EDIL3: variants seen among roughly 807,000 people sequenced by gnomAD.
EDIL3 encodes EGF like and discoidin domains 3, also known as EGF-like repeat and discoidin I-like domain-containing protein 3.
EDIL3 carries 37 observed loss-of-function variants against 67.4 expected under a neutral mutation model. The observed-to-expected ratio is 0.55, with a 90% CI of 0.42 to 0.72. The LOEUF is 0.72. EDIL3 is among the 30% of genes least tolerant of loss of function. The pLI is 0.00. For synonymous variants in EDIL3, 195 were observed against 196.3 expected (o/e 0.99, Z 0.05); for missense variants, 527 against 586.3 (o/e 0.90, Z 1.04).
intron 3 of EDIL3, among the ~76,000 whole-genome samples, chr5:84,205,080 AT>A (rs60872462): frequency 0.53 from 74,246 of 140,668 alleles, 19,188 homozygotes; most frequent in East Asian, 0.7. Flanking sequence ...GCCCTGGAAG[AT>A]TTTTTTTTTT....
At chr5:84,240,885 G>A (rs1351819653) in intron 2 of EDIL3, among the ~76,000 whole-genome samples, 3 of 151,652 alleles carry the variant, frequency 2.0e-5, no homozygotes, top group African/African-American at 7.3e-5. Context: ...TATAAACTGA[G>A]CAACCACTAA....
At chr5:84,175,469 G>C (rs538853371) in intron 4 of EDIL3, among the ~76,000 whole-genome samples, 20 of 152,310 alleles carry the variant, frequency 1.3e-4, no homozygotes, top group African/African-American at 4.8e-4. Flanking sequence ...AGTTTGTAAA[G>C]TATGTCCTGA....
intron 9 of EDIL3, among the ~76,000 whole-genome samples, chr5:83,983,645 A>G (rs575662246): frequency 6.2e-4 from 95 of 152,212 alleles, no homozygotes; most frequent in Non-Finnish European, 9.9e-4. Context: ...ATGCCTTTTC[A>G]GTAATGCACA....
At chr5:84,208,363 A>G (rs1185609292) in intron 3 of EDIL3, among the ~76,000 whole-genome samples, 1 of 152,164 alleles carries the variant, frequency 6.6e-6, no homozygotes, top group East Asian at 1.9e-4. Flanking sequence ...ATCTCACACC[A>G]GTTACAATGG....
chr5:83,964,635 C>A (rs1744659840), intron 9 of EDIL3, among the ~76,000 whole-genome samples: 1 of 151,978 alleles, frequency 6.6e-6, no homozygotes, highest in Non-Finnish European at 1.5e-5. Flanking sequence ...AGGTGTGAAA[C>A]AGTTTCCAAT....
At chr5:84,358,203 T>C (rs1747527136) in intron 1 of EDIL3, among the ~76,000 whole-genome samples, 1 of 152,210 alleles carries the variant, frequency 6.6e-6, no homozygotes, top group African/African-American at 2.4e-5. Context: ...TGGTTTTCTC[T>C]AACTAATGCA....
intron 1 of EDIL3, among the ~76,000 whole-genome samples, chr5:84,366,378 T>C (rs1165304319): frequency 6.6e-6 from 1 of 152,144 alleles, no homozygotes; most frequent in East Asian, 1.9e-4. Flanking sequence ...GCTCTATTAT[T>C]ATCCCCGTTT....
intron 9 of EDIL3, among the ~76,000 whole-genome samples, chr5:84,021,560 G>A (rs1280774276): frequency 6.6e-6 from 1 of 151,894 alleles, no homozygotes; most frequent in African/African-American, 2.4e-5. Context: ...TGTAGTTTGA[G>A]AAGATACTTG....
At chr5:84,211,173 G>A (rs1166840940) in intron 3 of EDIL3, among the ~76,000 whole-genome samples, 2 of 152,208 alleles carry the variant, frequency 1.3e-5, no homozygotes, top group South Asian at 2.1e-4. Flanking sequence ...TTGAGGTGAG[G>A]CCTGGTGGAA....
intron 10 of EDIL3, among the ~76,000 whole-genome samples, chr5:83,959,278 T>C (rs1744567836): frequency 1.3e-5 from 2 of 149,594 alleles, no homozygotes; most frequent in East Asian, 2.0e-4. Flanking sequence ...GCTTAGTCAC[T>C]CTGATTAATA....
At chr5:84,382,425 T>A (rs977043173) in intron 1 of EDIL3, among the ~76,000 whole-genome samples, 1 of 151,114 alleles carries the variant, frequency 6.6e-6, no homozygotes, top group African/African-American at 2.4e-5. Context: ...CGCGGCCACA[T>A]AGGCAAGCGC....
rs148933696 is a variant in EDIL3, at chr5:84,200,462, C to T, written c.227-19941G>A. Among the ~76,000 whole-genome samples, 250 of 151,838 alleles carry T rather than the reference C, an allele frequency of 1.6e-3. 2 individuals carry two copies. The highest frequency in any genetic ancestry group is 5.6e-3 in the African/African-American group (234 of 41,466). Reference sequence around the variant, plus strand: ...CTTTATCCCCAGACCTAAAGTAACACCATAAGTTTTGAAACAAGAATCATA... The same window carrying T: ...CTTTATCCCCAGACCTAAAGTAACATCATAAGTTTTGAAACAAGAATCATA... On this transcript the variant is annotated intron_variant, in intron 3 of 10. Transcript: ENST00000296591.
intron 3 of EDIL3, among the ~76,000 whole-genome samples, chr5:84,190,579 G>GTGTGTGTGTGTGTGTATA (rs1456078500): frequency 8.2e-6 from 1 of 122,056 alleles, no homozygotes; most frequent in African/African-American, 3.2e-5. Flanking sequence ...GTGTGTGTGT[G>GTGTGTGTGTGTGTGTATA]TATATATATA....
chr5:83,977,097 A>G (rs1369881089), intron 9 of EDIL3, among the ~76,000 whole-genome samples: 2 of 151,790 alleles, frequency 1.3e-5, no homozygotes, highest in East Asian at 1.9e-4. Context: ...ACTTGAAAAT[A>G]TATCTAGGAG....
chr5:84,130,648 C>T (rs1747948250), intron 5 of EDIL3, among the ~76,000 whole-genome samples: 1 of 152,034 alleles, frequency 6.6e-6, no homozygotes, highest in Admixed American at 6.6e-5. Context: ...TTATATAAAA[C>T]TATAATCTCT....
chr5:83,956,416 T>A (rs559082836), intron 10 of EDIL3, among the ~76,000 whole-genome samples: 203 of 151,888 alleles, frequency 1.3e-3, no homozygotes, highest in Admixed American at 2.8e-3. Context: ...CTGATTCTGA[T>A]AAGTGGGTCC....
chr5:84,352,778 C>CT (rs1747388314), intron 1 of EDIL3, among the ~76,000 whole-genome samples: 1 of 151,844 alleles, frequency 6.6e-6, no homozygotes, highest in Middle Eastern at 3.2e-3. Flanking sequence ...ACTTATAGCC[C>CT]TAAATCCATA....
chr5:84,303,314 C>T (rs1439495392), intron 1 of EDIL3, among the ~76,000 whole-genome samples: 1 of 152,176 alleles, frequency 6.6e-6, no homozygotes, highest in African/African-American at 2.4e-5. Context: ...GAGGGTAAAA[C>T]ACTAGCAGAA....
chr5:83,963,656 T>G (rs928241223), intron 9 of EDIL3, among the ~76,000 whole-genome samples: 4 of 57,104 alleles, frequency 7.0e-5, no homozygotes, highest in Admixed American at 2.3e-4. Flanking sequence ...TTTGTGCAGG[T>G]TTTTTTTTTT....
Sources: allele counts gnomAD v4.1 joint callset (sites outside exome capture counted in the v4.1 genomes callset), GRCh38; gene constraint gnomAD v4.1.1; transcripts MANE v1.5; gene names NCBI Gene and HGNC (gene_info 2026-07-23, HGNC 2026-07-21).